Variants in PRLR observed in about 807,000 individuals in gnomAD.
The protein encoded by PRLR is prolactin receptor.
A neutral mutation model predicts 40.2 loss-of-function variants in PRLR; 13 were observed. That is an observed-to-expected ratio of 0.32 (90% CI 0.21 to 0.51). PRLR has a LOEUF of 0.51. PRLR is among the 20% of genes least tolerant of loss of function. The pLI is 0.97. For synonymous variants in PRLR, 269 were observed against 278.7 expected, an observed-to-expected ratio of 0.97 and a Z score of 0.35; for missense variants, 656 against 747.3, an observed-to-expected ratio of 0.88 and a Z score of 1.42.
At chr5:35,130,418 C>T (rs1773630723) in intron 1 of PRLR, 1 of 152,128 alleles carries the variant, frequency 6.6e-6, no homozygotes, top group Non-Finnish European at 1.5e-5. Context: ...TCACTTAAAG[C>T]TGTAGTCTAT....
chr5:35,120,654 T>A (rs2111728096), intron 1 of PRLR, among the ~76,000 whole-genome samples: 1 of 152,312 alleles, frequency 6.6e-6, no homozygotes, highest in East Asian at 1.9e-4. Flanking sequence ...AAGACCAACC[T>A]GATCTCTGGT....
intron 1 of PRLR, chr5:35,194,988 ACT>A (rs1775697772): frequency 6.6e-6 from 1 of 152,098 alleles, no homozygotes; most frequent in Non-Finnish European, 1.5e-5. Flanking sequence ...AATAGAAGAA[ACT>A]CTGTGGGGGA....
intron 1 of PRLR, among the ~76,000 whole-genome samples, chr5:35,163,822 T>C (rs949123040): frequency 6.6e-6 from 1 of 152,256 alleles, no homozygotes; most frequent in South Asian, 2.1e-4. Context: ...AGTTCATTTA[T>C]TCATGCATGC....
intron 1 of PRLR, among the ~76,000 whole-genome samples, chr5:35,213,394 T>C (rs9292574): frequency 0.59 from 90,074 of 152,032 alleles, 27,497 homozygotes; most frequent in Non-Finnish European, 0.67. Flanking sequence ...ATTATGCCTT[T>C]GATTTCAAAG....
intron 2 of PRLR, among the ~76,000 whole-genome samples, chr5:35,109,174 T>C (rs1176969594): frequency 5.9e-5 from 9 of 152,106 alleles, no homozygotes; most frequent in Admixed American, 2.0e-4. Context: ...ATGTAGAAAG[T>C]TGAAACTGGA....
intron 2 of PRLR, among the ~76,000 whole-genome samples, chr5:35,113,384 TC>T (rs1412829230): frequency 1.5e-5 from 2 of 133,044 alleles, no homozygotes; most frequent in African/African-American, 5.6e-5. Flanking sequence ...CATTTATCCA[TC>T]CATCCATCCA....
At chr5:35,220,618 G>A (rs1776390874) in intron 1 of PRLR, among the ~76,000 whole-genome samples, 1 of 152,082 alleles carries the variant, frequency 6.6e-6, no homozygotes, top group African/African-American at 2.4e-5. Flanking sequence ...ACTAGAGTAG[G>A]AACTTCATCC....
intron 8 of PRLR, among the ~76,000 whole-genome samples, chr5:35,049,990 C>A (rs942751239): frequency 1.3e-5 from 2 of 151,070 alleles, no homozygotes; most frequent in East Asian, 3.9e-4. Context: ...TCACCGCAAC[C>A]TCCGCCTCCC....
intron 1 of PRLR, among the ~76,000 whole-genome samples, chr5:35,193,073 G>T (rs1775648332): frequency 6.6e-6 from 1 of 152,130 alleles, no homozygotes; most frequent in Admixed American, 6.6e-5. Context: ...TCTCCCTGTG[G>T]ACATATCCTT....
intron 1 of PRLR, among the ~76,000 whole-genome samples, chr5:35,160,800 T>A (rs996835790): frequency 6.6e-6 from 1 of 152,164 alleles, no homozygotes; most frequent in African/African-American, 2.4e-5. Context: ...TTTGACCCCT[T>A]ACGATTTCTT....
chr5:35,208,198 C>T (rs1776075180), intron 1 of PRLR, among the ~76,000 whole-genome samples: 1 of 151,962 alleles, frequency 6.6e-6, no homozygotes, highest in Admixed American at 6.6e-5. Flanking sequence ...CACACACACA[C>T]ACACACTCCA....
At chr5:35,122,461 T>C (rs1773323526) in intron 1 of PRLR, among the ~76,000 whole-genome samples, 1 of 152,226 alleles carries the variant, frequency 6.6e-6, no homozygotes, top group African/African-American at 2.4e-5. Flanking sequence ...GTCCATGTGT[T>C]CTCATCGTTC....
At chr5:35,230,018 C>CA (rs1213065952) in intron 1 of PRLR, among the ~76,000 whole-genome samples, 1 of 152,100 alleles carries the variant, frequency 6.6e-6, no homozygotes, top group Non-Finnish European at 1.5e-5. Context: ...GTGGTGGAGG[C>CA]AAAGCACCTT....
intron 2 of PRLR, among the ~76,000 whole-genome samples, chr5:35,104,694 G>A (rs1309517039): frequency 6.6e-6 from 1 of 152,164 alleles, no homozygotes; most frequent in East Asian, 1.9e-4. Context: ...CCATTGCTGA[G>A]GCTTGACTAG....
chr5:35,087,504 T>C (rs1770934929), intron 3 of PRLR, among the ~76,000 whole-genome samples: 1 of 150,760 alleles, frequency 6.6e-6, no homozygotes. Flanking sequence ...GCTTCAAGAG[T>C]GTGTGGCCCT....
intron 1 of PRLR, among the ~76,000 whole-genome samples, chr5:35,151,648 C>T (rs1025430929): frequency 3.9e-5 from 6 of 152,126 alleles, no homozygotes; most frequent in Non-Finnish European, 7.4e-5. Context: ...CATGCTCCCT[C>T]TCAGAATCCA....
chr5:35,153,712 C>G (rs1774402686), intron 1 of PRLR, among the ~76,000 whole-genome samples: 1 of 129,624 alleles, frequency 7.7e-6, no homozygotes, highest in South Asian at 2.5e-4. Context: ...TGTTCCCCAC[C>G]ATTGTACACA....
intron 1 of PRLR, among the ~76,000 whole-genome samples, chr5:35,199,162 G>A (rs1775812708): frequency 8.1e-6 from 1 of 123,996 alleles, no homozygotes; most frequent in Admixed American, 8.4e-5. Flanking sequence ...GGCTCATGCA[G>A]TTCCCAAATC....
chr5:35,075,168 C>T (rs1769997336), intron 5 of PRLR, among the ~76,000 whole-genome samples: 1 of 152,136 alleles, frequency 6.6e-6, no homozygotes, highest in African/African-American at 2.4e-5. Flanking sequence ...ACTGAGGTAC[C>T]AGGTTCATCT....
Sources: gnomAD v4.1 joint callset for allele counts (sites outside exome capture counted in the v4.1 genomes callset) on GRCh38, gnomAD v4.1.1 for gene constraint, MANE v1.5 for transcripts, NCBI Gene and HGNC (gene_info 2026-07-23, HGNC 2026-07-21) for gene names.